Variants in NEK1 observed in about 807,000 individuals in gnomAD.
NEK1 encodes serine/threonine-protein kinase Nek1.
Under a neutral mutation model 182.1 loss-of-function variants are expected in NEK1, and 137 were observed. The observed-to-expected ratio is 0.75, with a 90% CI of 0.65 to 0.87. The LOEUF is 0.87. Ranked by LOEUF, NEK1 falls within the 40% of genes least tolerant of loss-of-function variation. NEK1 has a pLI of 0.00. For missense variants in NEK1, 1,391 were observed against 1,494.4 expected, an observed-to-expected ratio of 0.93 and a Z score of 1.14; for synonymous variants, 513 against 492.2, an observed-to-expected ratio of 1.04 and a Z score of -0.56.
At chr4:169,544,715 G>A (rs1580641504) in intron 18 of NEK1, among the ~76,000 whole-genome samples, 1 of 150,212 alleles carries the variant, frequency 6.7e-6, no homozygotes, top group East Asian at 2.0e-4. Context: ...GTCTTGGGAG[G>A]GTGTATGTGT....
intron 12 of NEK1, among the ~76,000 whole-genome samples, chr4:169,567,177 ATTTTC>A (rs1344043584): frequency 1.3e-5 from 2 of 152,110 alleles, no homozygotes; most frequent in African/African-American, 4.8e-5. Flanking sequence ...TCTGGGGTTT[ATTTTC>A]TTTTAATTCT....
At chr4:169,515,397 A>G (rs1414014365) in intron 19 of NEK1, among the ~76,000 whole-genome samples, 1 of 152,084 alleles carries the variant, frequency 6.6e-6, no homozygotes, top group African/African-American at 2.4e-5. Context: ...CTCAACTGTA[A>G]TTGTGAACCT....
intron 18 of NEK1, among the ~76,000 whole-genome samples, chr4:169,540,844 T>C (rs889244573): frequency 1.3e-5 from 2 of 149,676 alleles, no homozygotes; most frequent in African/African-American, 4.9e-5. Flanking sequence ...CTTTTATCAA[T>C]AAATAATTAT....
intron 27 of NEK1, among the ~76,000 whole-genome samples, chr4:169,448,624 T>A (rs1436676639): frequency 2.0e-5 from 3 of 152,164 alleles, no homozygotes; most frequent in Non-Finnish European, 4.4e-5. Flanking sequence ...GTAAATGGAA[T>A]AAACTCTCCA....
chr4:169,595,109 T>C (rs975112180), intron 5 of NEK1, among the ~76,000 whole-genome samples: 2 of 152,178 alleles, frequency 1.3e-5, no homozygotes, highest in African/African-American at 2.4e-5. Flanking sequence ...TACAAGTTTC[T>C]GACCTAACAT....
chr4:169,442,134 G>C (rs1324913220), intron 27 of NEK1, among the ~76,000 whole-genome samples: 4 of 152,136 alleles, frequency 2.6e-5, no homozygotes, highest in African/African-American at 9.6e-5. Flanking sequence ...AAGCCATGTG[G>C]AGGCCCAAGG....
chr4:169,598,798 G>A (rs1204296720), intron 5 of NEK1, among the ~76,000 whole-genome samples: 1 of 152,142 alleles, frequency 6.6e-6, no homozygotes, highest in East Asian at 1.9e-4. Flanking sequence ...GCAGCAGTAA[G>A]CCAGATTGAC....
intron 31 of NEK1, among the ~76,000 whole-genome samples, chr4:169,413,768 G>A (rs1371039385): frequency 6.6e-6 from 1 of 152,194 alleles, no homozygotes; most frequent in Non-Finnish European, 1.5e-5. Context: ...TGTAATCCTA[G>A]AACTTTGGGA....
chr4:169,564,187 AC>A (rs2149960272), intron 12 of NEK1, among the ~76,000 whole-genome samples: 1 of 152,264 alleles, frequency 6.6e-6, no homozygotes, highest in Admixed American at 6.5e-5. Flanking sequence ...TCTATCATGT[AC>A]CAGTGTTTAC....
At chr4:169,605,778 G>A (rs908824670) in intron 2 of NEK1, among the ~76,000 whole-genome samples, 7 of 152,096 alleles carry the variant, frequency 4.6e-5, no homozygotes, top group African/African-American at 1.4e-4. Flanking sequence ...TCACTCTATA[G>A]TGTTCTTAAG....
At chr4:169,494,260 C>CAA (rs1409349330) in intron 23 of NEK1, among the ~76,000 whole-genome samples, 2 of 152,136 alleles carry the variant, frequency 1.3e-5, no homozygotes, top group Admixed American at 6.5e-5. Context: ...ACCCCCACCC[C>CAA]ACAACAGGCC....
At chr4:169,539,398 AC>A (rs1759033011) in intron 18 of NEK1, among the ~76,000 whole-genome samples, 1 of 152,114 alleles carries the variant, frequency 6.6e-6, no homozygotes, top group Admixed American at 6.6e-5. Context: ...AGGCAGATAA[AC>A]CTTCAAATGT....
At chr4:169,402,200 T>G (rs1731805985) in intron 32 of NEK1, among the ~76,000 whole-genome samples, 1 of 152,216 alleles carries the variant, frequency 6.6e-6, no homozygotes. Flanking sequence ...TTTGATATTT[T>G]AACAGGCCAG....
intron 23 of NEK1, among the ~76,000 whole-genome samples, chr4:169,505,005 C>A (rs1441877463): frequency 6.6e-6 from 1 of 151,900 alleles, no homozygotes; most frequent in African/African-American, 2.4e-5. Flanking sequence ...TATACATCTA[C>A]CATGTACCTA....
chr4:169,514,904 T>G (rs1375380537), intron 19 of NEK1, among the ~76,000 whole-genome samples: 1 of 152,150 alleles, frequency 6.6e-6, no homozygotes, highest in Non-Finnish European at 1.5e-5. Flanking sequence ...GCTCTTTTTT[T>G]TCCTAGTATT....
chr4:169,560,411 TTC>T (rs1251690945), intron 16 of NEK1, among the ~76,000 whole-genome samples: 1 of 152,272 alleles, frequency 6.6e-6, no homozygotes, highest in African/African-American at 2.4e-5. Context: ...GTGAGCAGAA[TTC>T]TCTCTCTCTA....
chr4:169,483,668 C>A (rs1420263923), intron 23 of NEK1, among the ~76,000 whole-genome samples: 1 of 151,968 alleles, frequency 6.6e-6, no homozygotes, highest in Non-Finnish European at 1.5e-5. Context: ...AGTTTGAGAC[C>A]AGTCTGGCCA....
At chr4:169,561,053 G>T (rs183918678) in intron 16 of NEK1, among the ~76,000 whole-genome samples, 1 of 152,274 alleles carries the variant, frequency 6.6e-6, no homozygotes, top group Non-Finnish European at 1.5e-5. Flanking sequence ...ATTTCAGCAT[G>T]AATAGAGCAT....
chr4:169,437,668 A>C (rs532074015), intron 28 of NEK1, among the ~76,000 whole-genome samples: 155 of 152,324 alleles, frequency 1.0e-3, no homozygotes, highest in Non-Finnish European at 1.6e-3. Context: ...GAGTACATAG[A>C]ATAGCCCTGA....
Sources: allele counts gnomAD v4.1 joint callset (sites outside exome capture counted in the v4.1 genomes callset), GRCh38; gene constraint gnomAD v4.1.1; transcripts MANE v1.5; gene names NCBI Gene and HGNC (gene_info 2026-07-23, HGNC 2026-07-21).